Variants in DLGAP4 observed in about 807,000 individuals in gnomAD.
The protein encoded by DLGAP4 is disks large-associated protein 4.
In DLGAP4, 18 loss-of-function variants were observed where a neutral mutation model predicts 86.9. That is an observed-to-expected ratio of 0.21 (90% CI 0.14 to 0.31). The LOEUF (loss-of-function observed/expected upper bound fraction) is 0.31. Among genes scored for constraint, DLGAP4 ranks in the 10% least tolerant of loss-of-function variants. DLGAP4 has a pLI of 1.00. For synonymous variants in DLGAP4, 548 were observed against 574.3 expected (o/e 0.95, Z 0.65); for missense variants, 1,085 against 1,362.6 (o/e 0.80, Z 3.21).
At chr20:36,474,760 G>A (rs1013427869) in intron 7 of DLGAP4, among the ~76,000 whole-genome samples, 1 of 152,038 alleles carries the variant, frequency 6.6e-6, no homozygotes, top group Non-Finnish European at 1.5e-5. Context: ...GGGGTGGAGG[G>A]CAGGGATTGG....
intron 5 of DLGAP4, among the ~76,000 whole-genome samples, chr20:36,441,955 G>T (rs556467949): frequency 2.4e-4 from 37 of 152,120 alleles, no homozygotes; most frequent in Middle Eastern, 3.4e-3. Context: ...CCCACCACCC[G>T]CTGCCCAGTC....
intron 6 of DLGAP4, among the ~76,000 whole-genome samples, chr20:36,443,329 A>T (rs1166190604): frequency 1.3e-5 from 2 of 152,068 alleles, no homozygotes; most frequent in Non-Finnish European, 2.9e-5. Flanking sequence ...AGACATTCCT[A>T]TCCTGCCCCT....
chr20:36,408,297 C>T (rs1176423690), intron 2 of DLGAP4, among the ~76,000 whole-genome samples: 1 of 151,808 alleles, frequency 6.6e-6, no homozygotes, highest in Non-Finnish European at 1.5e-5. Flanking sequence ...GGCAGTTATC[C>T]CTGTTGACAG....
intron 7 of DLGAP4, among the ~76,000 whole-genome samples, chr20:36,469,898 G>C (rs564262414): frequency 1.3e-5 from 2 of 152,250 alleles, no homozygotes; most frequent in South Asian, 4.2e-4. Context: ...TAAGATCCTT[G>C]TGTGAATTTT....
intron 2 of DLGAP4, among the ~76,000 whole-genome samples, chr20:36,387,986 C>A (rs922885287): frequency 6.6e-6 from 1 of 152,180 alleles, no homozygotes; most frequent in African/African-American, 2.4e-5. Flanking sequence ...ATTATAAGTT[C>A]TTGAGCACCC....
intron 1 of DLGAP4, among the ~76,000 whole-genome samples, chr20:36,310,217 AAAG>A (rs2065041909): frequency 2.0e-5 from 2 of 100,804 alleles, no homozygotes; most frequent in African/African-American, 1.4e-4. Flanking sequence ...AGAAAGAAAG[AAAG>A]AAAGAAAGAA....
rs1013270993 is a variant in DLGAP4 at position 36,461,437 on chromosome 20, G to A, written c.1648+14500G>A. 8 of 880,532 alleles carry A rather than the reference G, an allele frequency of 9.1e-6. No individual in the cohort carries two copies. In the African/African-American group the frequency reaches 3.0e-4, roughly 33 times the overall value. 54.5% of individuals were successfully genotyped at this position (880,532 alleles called of 1,614,324 possible). On this transcript the variant is annotated intron_variant, in intron 7 of 12. Coordinates refer to ENST00000339266, the MANE Select transcript of DLGAP4 (RefSeq NM_001365621.2). ...GGCGGGGAGGGGCGGGGCAGGTGCG[G>A]GACTTTAACCCGGAGCCCCGCCCCT...
At chr20:36,443,749 C>T (rs1055755386) in intron 6 of DLGAP4, among the ~76,000 whole-genome samples, 27 of 152,118 alleles carry the variant, frequency 1.8e-4, no homozygotes, top group African/African-American at 5.3e-4. Context: ...GCTGGCCTCC[C>T]CACCGACAGC....
intron 10 of DLGAP4, among the ~76,000 whole-genome samples, chr20:36,513,291 G>A (rs567894931): frequency 5.5e-4 from 84 of 151,790 alleles, no homozygotes; most frequent in Admixed American, 3.3e-3. Context: ...GCTCACGCCT[G>A]TAATCCCAGC....
intron 2 of DLGAP4, among the ~76,000 whole-genome samples, chr20:36,396,413 A>AC (rs1450311965): frequency 1.7e-4 from 7 of 41,352 alleles, no homozygotes; most frequent in Admixed American, 5.9e-4. Flanking sequence ...CACCACATAC[A>AC]CACACACACA....
intron 1 of DLGAP4, among the ~76,000 whole-genome samples, chr20:36,337,015 G>C (rs1197026415): frequency 6.6e-6 from 1 of 152,176 alleles, no homozygotes; most frequent in African/African-American, 2.4e-5. Context: ...TACGGCGGAG[G>C]AAGGCGGAGG....
chr20:36,514,578 T>C (rs554911176), intron 10 of DLGAP4, among the ~76,000 whole-genome samples: 81 of 152,176 alleles, frequency 5.3e-4, no homozygotes, highest in African/African-American at 1.8e-3. Context: ...ACCTGCCTAA[T>C]TAAAAATTTC....
intron 1 of DLGAP4, among the ~76,000 whole-genome samples, chr20:36,326,691 T>C (rs950950643): frequency 1.3e-5 from 2 of 152,188 alleles, no homozygotes; most frequent in African/African-American, 4.8e-5. Context: ...TAGATTCATA[T>C]TTCTCTCTGG....
intron 3 of DLGAP4, among the ~76,000 whole-genome samples, chr20:36,433,493 C>G (rs143182131): frequency 6.6e-6 from 1 of 152,206 alleles, no homozygotes; most frequent in South Asian, 2.1e-4. Flanking sequence ...GGGCTATGAA[C>G]TGAATGGCTC....
intron 7 of DLGAP4, among the ~76,000 whole-genome samples, chr20:36,484,029 A>G (rs2046330177): frequency 1.3e-5 from 2 of 152,350 alleles, no homozygotes; most frequent in South Asian, 4.1e-4. Flanking sequence ...GGCCGTGGCT[A>G]AAGAGCAGCT....
chr20:36,448,751 TG>T (rs1198179785), intron 7 of DLGAP4, among the ~76,000 whole-genome samples: 1 of 152,164 alleles, frequency 6.6e-6, no homozygotes, highest in African/African-American at 2.4e-5. Context: ...CTGGCCAACA[TG>T]GTGAAACCCC....
rs74670492 is a variant in DLGAP4, at chr20:36,346,712, C to A, written c.-303-20333C>A. On this transcript the variant is annotated intron_variant, in intron 1 of 12. Transcript: ENST00000339266. ...CTTCTGTCACTTGAGTGTTTTAGGA[C>A]CCATTTTTTTTTAATTCTATGACCC... is the stretch of plus-strand genomic sequence containing the variant. Among the ~76,000 whole-genome samples, 364 of 152,146 alleles carry A rather than the reference C, an allele frequency of 2.4e-3. 13 individuals carry two copies. In the East Asian group the frequency reaches 0.061, roughly 25 times the overall value.
chr20:36,401,658 G>A (rs375485554), intron 2 of DLGAP4, among the ~76,000 whole-genome samples: 1 of 152,234 alleles, frequency 6.6e-6, no homozygotes, highest in Non-Finnish European at 1.5e-5. Flanking sequence ...AATAAGATAG[G>A]TCAGTCTCTC....
At chr20:36,519,340 A>C (rs982469664) in intron 10 of DLGAP4, among the ~76,000 whole-genome samples, 1 of 152,072 alleles carries the variant, frequency 6.6e-6, no homozygotes, top group Non-Finnish European at 1.5e-5. Flanking sequence ...AATTTATTGT[A>C]TATTTTATGG....
Sources: gnomAD v4.1 joint callset for allele counts (sites outside exome capture counted in the v4.1 genomes callset) on GRCh38, gnomAD v4.1.1 for gene constraint, MANE v1.5 for transcripts, NCBI Gene and HGNC (gene_info 2026-07-23, HGNC 2026-07-21) for gene names.